Variants in SCAPER observed in about 807,000 individuals in gnomAD.
The protein encoded by SCAPER is S phase cyclin A-associated protein in the endoplasmic reticulum.
A neutral mutation model predicts 182.2 loss-of-function variants in SCAPER; 98 were observed. The observed-to-expected ratio is 0.54, with a 90% confidence interval of 0.46 to 0.64. The LOEUF (loss-of-function observed/expected upper bound fraction) is 0.64. Among genes scored for constraint, SCAPER ranks in the 30% least tolerant of loss-of-function variants. The pLI is 0.00. For synonymous variants in SCAPER, 605 were observed against 564.6 expected, an observed-to-expected ratio of 1.07 and a Z score of -1.01; for missense variants, 1,432 against 1,690.0, an observed-to-expected ratio of 0.85 and a Z score of 2.68.
At chr15:76,681,668 G>A (rs1476048199) in intron 20 of SCAPER, among the ~76,000 whole-genome samples, 2 of 152,166 alleles carry the variant, frequency 1.3e-5, no homozygotes, top group Non-Finnish European at 2.9e-5. Flanking sequence ...AAAAATTCTG[G>A]GGAAGAGATG....
Position 76,599,703 on chromosome 15 carries a change from C to T in SCAPER, c.2711+22061G>A, listed in dbSNP as rs140720837. On this transcript the variant is annotated intron_variant, in intron 22 of 31. Coordinates refer to ENST00000563290, the MANE Select transcript of SCAPER (RefSeq NM_020843.4). ...CTGTGGTGAAAGACAAGCTCTACAA[C>T]AGGTGATTCTAATCAGTGATGAAAG... Among the ~76,000 whole-genome samples, 33 of 122,050 alleles carry T rather than the reference C, an allele frequency of 2.7e-4. 4 individuals carry two copies. The highest frequency in any genetic ancestry group is 8.3e-4 in the African/African-American group (33 of 39,976). The allele number at this position is 122,050 out of a possible 152,430, so 80.1% of individuals were successfully genotyped here.
chr15:76,489,241 A>T lies in SCAPER; in HGVS notation c.2954+15618T>A, dbSNP rs557083567. 8.6e-5 allele frequency among the ~76,000 whole-genome samples: 12 copies of T among 139,642 alleles called. 1 individual carries two copies. In the East Asian group the frequency reaches 2.8e-3, roughly 33 times the overall value. 91.6% of individuals were successfully genotyped at this position (139,642 alleles called of 152,430 possible). The stretch of plus-strand genomic sequence containing the variant: ...GTTTTGCCATTAAAAGTAACAGAAA[A>T]AAACCACAATTACTTTTGCACCAAC... On this transcript the variant is annotated intron_variant, in intron 24 of 31. Transcript: ENST00000563290.
At chr15:76,391,512 G>C (rs2043695552) in intron 27 of SCAPER, among the ~76,000 whole-genome samples, 1 of 152,196 alleles carries the variant, frequency 6.6e-6, no homozygotes, top group Non-Finnish European at 1.5e-5. Context: ...GGAAGAAAGG[G>C]AGAACTGATC....
At chr15:76,382,835 G>A (rs984895098) in intron 27 of SCAPER, among the ~76,000 whole-genome samples, 2 of 152,102 alleles carry the variant, frequency 1.3e-5, no homozygotes, top group Non-Finnish European at 2.9e-5. Context: ...TAGATGTAAG[G>A]TCTGGAGTTG....
At chr15:76,359,415 G>GTA (rs1358118747) in intron 29 of SCAPER, among the ~76,000 whole-genome samples, 1 of 152,238 alleles carries the variant, frequency 6.6e-6, no homozygotes, top group Admixed American at 6.5e-5. Context: ...CAGTGGCAGA[G>GTA]TAGGAAATGT....
rs1211997071 is a variant in SCAPER at position 76,667,941 on chromosome 15, C to T, written c.2509-2152G>A. Reference sequence around the variant, plus strand: ...TCGTGCCACTGCACTCCAGCCTGGGCAACAAGGCAAGACTGTCTTTAAAAA... The same window carrying T: ...TCGTGCCACTGCACTCCAGCCTGGGTAACAAGGCAAGACTGTCTTTAAAAA... On this transcript the variant is annotated intron_variant, in intron 20 of 31. Coordinates refer to ENST00000563290, the MANE Select transcript of SCAPER (RefSeq NM_020843.4). Among the ~76,000 whole-genome samples, 4 of 149,770 alleles carry T rather than the reference C, an allele frequency of 2.7e-5. No homozygotes were observed. In the Admixed American group the frequency reaches 2.7e-4, roughly 10 times the overall value.
intron 24 of SCAPER, among the ~76,000 whole-genome samples, chr15:76,477,908 A>G (rs529654404): frequency 1.3e-5 from 2 of 152,000 alleles, no homozygotes; most frequent in African/African-American, 4.8e-5. Flanking sequence ...TATTTTAAAA[A>G]TAACTTTTCC....
chr15:76,804,769 A>ATT, intron 5 of SCAPER, 136 bp from the exon 6 acceptor site: 5 of 462,788 alleles, frequency 1.1e-5, no homozygotes, highest in South Asian at 4.5e-5. Flanking sequence ...TAAGTTACAG[A>ATT]TTTTTTTTTT....
In SCAPER at chr15:76,694,497, T is replaced by C. The variant is rs1380013565; in HGVS notation, c.2508+7261A>G. Among the ~76,000 whole-genome samples, 4 of 152,236 alleles carry C rather than the reference T, an allele frequency of 2.6e-5. 1 individual carries two copies. The highest frequency in any genetic ancestry group is 1.3e-4 in the Admixed American group (2 of 15,286). ...TGTACATTGAATGTGTACAATTGAATATACACAATTTCTGTAAACTATACC... is the reference window on the plus strand; with the variant it reads ...TGTACATTGAATGTGTACAATTGAACATACACAATTTCTGTAAACTATACC... On this transcript the variant is annotated intron_variant, in intron 20 of 31. Transcript: ENST00000563290.
chr15:76,791,138 T>C (rs1295637814), intron 8 of SCAPER, among the ~76,000 whole-genome samples: 2 of 152,244 alleles, frequency 1.3e-5, no homozygotes, highest in Non-Finnish European at 2.9e-5. Context: ...TTAATCCCAC[T>C]GTGATCAGCA....
chr15:76,529,149 T>C (rs183941993), intron 23 of SCAPER, among the ~76,000 whole-genome samples: 1 of 152,330 alleles, frequency 6.6e-6, no homozygotes, highest in Non-Finnish European at 1.5e-5. Context: ...GTTCAAACAA[T>C]ACTTGTGCCT....
At chr15:76,669,311 A>G (rs2056846882) in intron 20 of SCAPER, among the ~76,000 whole-genome samples, 1 of 152,236 alleles carries the variant, frequency 6.6e-6, no homozygotes, top group African/African-American at 2.4e-5. Flanking sequence ...GGCCTATGGT[A>G]TACTATACCT....
At chr15:76,897,147 G>GA (rs1317932297) in intron 1 of SCAPER, among the ~76,000 whole-genome samples, 1 of 152,082 alleles carries the variant, frequency 6.6e-6, no homozygotes, top group African/African-American at 2.4e-5. Flanking sequence ...AAGTAAATGT[G>GA]AAAAAATGTT....
At chr15:76,764,290 C>A (rs2062978347) in intron 14 of SCAPER, among the ~76,000 whole-genome samples, 1 of 152,146 alleles carries the variant, frequency 6.6e-6, no homozygotes, top group African/African-American at 2.4e-5. Context: ...ACAGGGCAGT[C>A]CTCAGCTCCA....
chr15:76,548,925 A>G (rs990925921), intron 23 of SCAPER, among the ~76,000 whole-genome samples: 3 of 152,240 alleles, frequency 2.0e-5, no homozygotes, highest in African/African-American at 4.8e-5. Context: ...CAATGGCAAC[A>G]AAAGCCAAAA....
intron 15 of SCAPER, among the ~76,000 whole-genome samples, chr15:76,750,985 C>A (rs2062053334): frequency 6.6e-6 from 1 of 151,576 alleles, no homozygotes; most frequent in African/African-American, 2.4e-5. Flanking sequence ...GTAGAAAACA[C>A]TTACAGATTC....
At chr15:76,491,125 C>A (rs1012985553) in intron 24 of SCAPER, among the ~76,000 whole-genome samples, 2 of 152,162 alleles carry the variant, frequency 1.3e-5, no homozygotes, top group African/African-American at 2.4e-5. Flanking sequence ...AATCAGTTGA[C>A]TGTATATACA....
chr15:76,827,433 A>G (rs1661740071), intron 5 of SCAPER, among the ~76,000 whole-genome samples: 1 of 152,234 alleles, frequency 6.6e-6, no homozygotes, highest in African/African-American at 2.4e-5. Flanking sequence ...AAAAAAGTCA[A>G]CTAAGACCAT....
chr15:76,728,849 G>T, intron 16 of SCAPER, 112 bp from the exon 17 acceptor site: 1 of 1,125,042 alleles, frequency 8.9e-7, no homozygotes. Context: ...AGAAACATGG[G>T]CTTGCCACTA....
Sources: gnomAD v4.1 joint callset for allele counts (sites outside exome capture counted in the v4.1 genomes callset) on GRCh38, gnomAD v4.1.1 for gene constraint, MANE v1.5 for transcripts, NCBI Gene and HGNC (gene_info 2026-07-23, HGNC 2026-07-21) for gene names.